Variants in NMUR1 observed in about 807,000 individuals in gnomAD.
NMUR1 encodes the protein neuromedin-U receptor 1.
In NMUR1, 16 loss-of-function variants were observed where a neutral mutation model predicts 18.8. The observed-to-expected ratio is 0.85, with a 90% CI of 0.58 to 1.29. The LOEUF is 1.29. Among genes scored for constraint, NMUR1 ranks in the 50% most tolerant of loss-of-function variants. NMUR1 has a pLI of 0.00. For synonymous variants in NMUR1, 258 were observed against 258.2 expected, an observed-to-expected ratio of 1.00 and a Z score of 0.01; for missense variants, 529 against 580.3, an observed-to-expected ratio of 0.91 and a Z score of 0.91.
At chr2:231,529,666 T>C (rs2047396434) in intron 1 of NMUR1, among the ~76,000 whole-genome samples, 1 of 152,174 alleles carries the variant, frequency 6.6e-6, no homozygotes, top group Non-Finnish European at 1.5e-5. Flanking sequence ...TATTGCAGGG[T>C]CTTCAAGAGC....
chr2:231,519,574 A>C (rs994272411), downstream of NMUR1, among the ~76,000 whole-genome samples: 3 of 152,176 alleles, frequency 2.0e-5, no homozygotes, highest in South Asian at 2.1e-4. Flanking sequence ...CAGATTGTAC[A>C]TTCTTTCTTT....
rs146282412 is a variant in NMUR1 at position 231,528,612 on chromosome 2, G to A, written c.409C>T (p.Arg137Cys). 1.1e-3 allele frequency: 1,723 copies of A among 1,614,188 alleles called. 1 individual carries two copies. Among genetic ancestry groups the A allele is most frequent in the Non-Finnish European group, 1.4e-3 (1,606 of 1,180,046 alleles). ...CAGACCATCTCAAACAGTAGCGTGC[G>A]GAAATAGCAGCCACCAACGCCCAGC... ...FLLGVGGCYF[R>C]TLLFEMVCLA... The change falls in exon 2 of 3, where the codon CGC (arginine) becomes TGC (cysteine). Residue 137 changes from arginine (R) to cysteine (C), a missense_variant. By Grantham distance (180) the Arg-to-Cys change is radical. Coordinates refer to ENST00000305141, the MANE Select transcript of NMUR1 (RefSeq NM_006056.5).
rs1343628566 is a variant in NMUR1, at chr2:231,525,238, G to C, written c.1086C>G (p.Arg362=). The change falls in exon 3 of 3, where the codon CGC becomes CGG. Residue 362 remains arginine, a synonymous_variant. Transcript: ENST00000305141. ...NPVLYSLMSS[R]FRETFQEALC... Reference sequence around the variant, plus strand: ...GGGCCTCCTGGAAGGTCTCTCGGAAGCGGCTGGACATGAGGCTATAGAGCA... The same window carrying C: ...GGGCCTCCTGGAAGGTCTCTCGGAACCGGCTGGACATGAGGCTATAGAGCA... 1 of 1,614,194 alleles carries C rather than the reference G, an allele frequency of 6.2e-7. No homozygotes were observed. Among genetic ancestry groups the C allele is most frequent in the African/African-American group, 1.3e-5 (1 of 75,052 alleles).
Position 231,528,934 on chromosome 2 carries a change from A to G in NMUR1, c.87T>C (p.Ser29=). ...CAGGGTCAAAGTGCCCCCTGGCCGC[A>G]CTGCCATTGCAAGCCATGGGGTTCC... ...GARNPMACNG[S]AARGHFDPED... is the part of the protein sequence containing the mutation. Residue 29 remains serine, a synonymous_variant, in exon 2 of 3, where the codon AGT becomes AGC. Transcript: ENST00000305141. 2 of 1,614,178 alleles carry G rather than the reference A, an allele frequency of 1.2e-6. No homozygotes were observed. The highest frequency in any genetic ancestry group is 2.2e-5 in the East Asian group (1 of 44,880).
At chr2:231,526,379 G>T (rs3769985) in intron 2 of NMUR1, among the ~76,000 whole-genome samples, 42,399 of 152,060 alleles carry the variant, frequency 0.28, 6,543 homozygotes, top group East Asian at 0.5. Context: ...CAGAGGGCCA[G>T]CGGAAAGTGG....
At position 231,525,326 on chromosome 2, in the gene NMUR1, G is replaced by T; in HGVS notation, c.998C>A (p.Ala333Asp). 1 of 1,613,614 alleles carries T rather than the reference G, an allele frequency of 6.2e-7. No homozygotes were observed. The highest frequency in any genetic ancestry group is 8.5e-7 in the Non-Finnish European group (1 of 1,179,866). ...GGAGATGACGTGCACGTGCTGGAAG[G>T]CCAGGTGCAGGCCATCTGTCCACTG... ...VSQWTDGLHL[A>D]FQHVHVISGI... Residue 333 changes from alanine (A) to aspartate (D), a missense_variant, in exon 3 of 3, where the codon GCC becomes GAC. Physicochemically the swap from Ala to Asp is moderately radical, Grantham distance 126. Coordinates refer to ENST00000305141, the MANE Select transcript of NMUR1 (RefSeq NM_006056.5).
chr2:231,525,487 C>T (rs1428410728), intron 2 of NMUR1, 62 bp from the exon 3 acceptor site: 9 of 1,536,978 alleles, frequency 5.9e-6, no homozygotes, highest in African/African-American at 1.4e-5. Context: ...CCTTCCCGGG[C>T]TTCAGTTTGG....
intron 1 of NMUR1, 85 bp downstream of exon 1, chr2:231,530,274 C>T: frequency 7.6e-6 from 11 of 1,456,896 alleles, no homozygotes; most frequent in Non-Finnish European, 8.2e-6. Context: ...GCCCTCGGAC[C>T]CTTCCCGCCC....
At chr2:231,529,862 C>T (rs1218512125) in intron 1 of NMUR1, among the ~76,000 whole-genome samples, 1 of 152,260 alleles carries the variant, frequency 6.6e-6, no homozygotes, top group African/African-American at 2.4e-5. Flanking sequence ...CACCCCCTTG[C>T]TCTGGGGACC....
intron 2 of NMUR1, among the ~76,000 whole-genome samples, chr2:231,526,528 G>A (rs974852412): frequency 6.6e-6 from 1 of 152,246 alleles, no homozygotes; most frequent in Non-Finnish European, 1.5e-5. Context: ...GTAGGCAGGA[G>A]GCAGGGCGGC....
At chr2:231,518,663 A>T (rs1464149399), downstream of NMUR1, among the ~76,000 whole-genome samples, 1 of 152,226 alleles carries the variant, frequency 6.6e-6, no homozygotes, top group East Asian at 1.9e-4. Flanking sequence ...ATGCAAATAA[A>T]AGAAATCCTG....
At chr2:231,529,052 C>T (rs369238129) in intron 1 of NMUR1, 35 bp from the exon 2 acceptor site, 11 of 1,554,688 alleles carry the variant, frequency 7.1e-6, no homozygotes, top group Non-Finnish European at 9.6e-6. Context: ...CCAGAAAGAT[C>T]ATTCAGGGAA....
intron 2 of NMUR1, among the ~76,000 whole-genome samples, chr2:231,526,109 C>T (rs972900538): frequency 6.6e-6 from 1 of 150,734 alleles, no homozygotes; most frequent in East Asian, 2.0e-4. Flanking sequence ...CCCTCCCTAA[C>T]AAAAGGTAGG....
At position 231,528,251 on chromosome 2, in the gene NMUR1, C is replaced by A. The variant is rs1189327099; in HGVS notation, c.770G>T (p.Arg257Leu). ...GAGCAGCAGCCTCTCCCGCCGCAGT[C>A]GCAGCCCAATGAGCAGGTAGAGCAC... ...MSVLYLLIGLRLRRERLLLMQ... is the reference protein window; with the variant it reads ...MSVLYLLIGLLLRRERLLLMQ... The change falls in exon 2 of 3, where the codon CGA becomes CTA. Residue 257 changes from arginine to leucine, a missense_variant. Arg to Leu is a moderately radical substitution (Grantham distance 102, BLOSUM62 -2). Transcript: ENST00000305141. 6.2e-7 allele frequency: 1 copy of A among 1,613,942 alleles called. No homozygotes were observed. The highest frequency in any genetic ancestry group is 8.5e-7 in the Non-Finnish European group (1 of 1,179,968).
intron 2 of NMUR1, 142 bp downstream of exon 2, chr2:231,527,981 C>CACACACAT (rs2047372898): frequency 1.2e-6 from 1 of 808,536 alleles, no homozygotes. Context: ...CAGACACACA[C>CACACACAT]ACACACACAC....
intron 2 of NMUR1, among the ~76,000 whole-genome samples, chr2:231,525,807 G>A (rs555692914): frequency 1.0e-3 from 155 of 152,354 alleles, no homozygotes; most frequent in African/African-American, 3.5e-3. Context: ...CACTCTGGAT[G>A]CCCACTTGGG....
Position 231,528,413 on chromosome 2 carries a change from C to T in NMUR1, c.608G>A (p.Arg203Gln), listed in dbSNP as rs17853665. The T allele has an allele frequency of 2.5e-3, 4,000 of 1,613,692 alleles. 19 individuals are homozygous for T. The highest frequency in any genetic ancestry group is 4.5e-3 in the Admixed American group (271 of 60,010). ...GCCCCGGCAGGGCACGTGCAGCTGC[C>T]GGATGCCGTGCAGGCTGGTGTTGGG... Reference protein sequence around the residue: ...SLPNTSLHGIRQLHVPCRGPV... With the variant: ...SLPNTSLHGIQQLHVPCRGPV... Residue 203 changes from arginine (R) to glutamine (Q), a missense_variant, in exon 2 of 3, where the codon CGG (arginine) becomes CAG (glutamine). Transcript: ENST00000305141.
intron 2 of NMUR1, among the ~76,000 whole-genome samples, chr2:231,526,615 G>A (rs76106788): frequency 0.073 from 11,165 of 152,280 alleles, 454 homozygotes; most frequent in African/African-American, 0.081. Flanking sequence ...GGTCAGCCTC[G>A]TTTCAGGAGC....
chr2:231,523,436 G>A lies in NMUR1; in HGVS notation c.*1607C>T. 2 of 332,778 alleles carry A rather than the reference G, an allele frequency of 6.0e-6. No homozygotes were observed. Among genetic ancestry groups the A allele is most frequent in the Non-Finnish European group, 1.1e-5 (2 of 181,842 alleles). 20.6% of individuals were successfully genotyped at this position (332,778 alleles called of 1,614,324 possible). On this transcript the variant is annotated 3_prime_UTR_variant, in exon 3 of 3. Transcript: ENST00000305141. ...TTGCCCTTCCCCCATTCCCTGGCAAGAGAGGTTTTACATTTTTAAAATTGT... is the reference window on the plus strand; with the variant it reads ...TTGCCCTTCCCCCATTCCCTGGCAAAAGAGGTTTTACATTTTTAAAATTGT...
Sources: gnomAD v4.1 joint callset for allele counts (sites outside exome capture counted in the v4.1 genomes callset) on GRCh38, gnomAD v4.1.1 for gene constraint, MANE v1.5 for transcripts, NCBI Gene and HGNC (gene_info 2026-07-23, HGNC 2026-07-21) for gene names.